Variants in FBXL13 observed in about 807,000 individuals in gnomAD.
The protein encoded by FBXL13 is F-box and leucine-rich repeat protein 13.
Under a neutral mutation model 83.6 loss-of-function variants are expected in FBXL13, and 67 were observed. The observed-to-expected ratio is 0.80, with a 90% CI of 0.66 to 0.98. The LOEUF is 0.98. Ranked by LOEUF, FBXL13 falls within the 50% of genes least tolerant of loss-of-function variation. FBXL13 has a pLI of 0.00. For synonymous variants in FBXL13, 272 were observed against 299.5 expected, an observed-to-expected ratio of 0.91 and a Z score of 0.95; for missense variants, 822 against 866.5, an observed-to-expected ratio of 0.95 and a Z score of 0.64.
At chr7:103,010,163 A>G (rs1167993377) in intron 6 of FBXL13, among the ~76,000 whole-genome samples, 1 of 151,928 alleles carries the variant, frequency 6.6e-6, no homozygotes, top group Non-Finnish European at 1.5e-5. Context: ...TTGTCCCGGG[A>G]AATACCTGGA....
chr7:102,854,313 T>C (rs534412031), intron 17 of FBXL13, among the ~76,000 whole-genome samples: 304 of 152,140 alleles, frequency 2.0e-3, no homozygotes, highest in African/African-American at 6.8e-3. Flanking sequence ...TAGGTGGGAA[T>C]TGAACAATGA....
exon 20 of FBXL13, chr7:102,813,244 A>T: frequency 9.2e-7 from 1 of 1,089,706 alleles, no homozygotes; most frequent in Non-Finnish European, 1.3e-6. Flanking sequence ...TTGCTTGTTT[A>T]CATTGTTATT....
At chr7:103,024,857 A>ATATATATTTTTT (rs1298384907) in intron 6 of FBXL13, among the ~76,000 whole-genome samples, 2 of 62,854 alleles carry the variant, frequency 3.2e-5, no homozygotes, top group African/African-American at 1.8e-4. Flanking sequence ...ATATATATAT[A>ATATATATTTTTT]TTTTTTTTTT....
chr7:102,987,101 A>T (rs527239945), intron 6 of FBXL13, among the ~76,000 whole-genome samples: 1 of 152,294 alleles, frequency 6.6e-6, no homozygotes, highest in South Asian at 2.1e-4. Flanking sequence ...GAGCTAAGCT[A>T]TGGGTATTCA....
At chr7:102,844,379 G>T (rs917448775) in intron 17 of FBXL13, among the ~76,000 whole-genome samples, 1 of 152,056 alleles carries the variant, frequency 6.6e-6, no homozygotes, top group Non-Finnish European at 1.5e-5. Context: ...ATCATTACTA[G>T]AACTAAGAGA....
At chr7:102,935,244 T>C (rs398089032) in intron 8 of FBXL13, among the ~76,000 whole-genome samples, 12 of 6,706 alleles carry the variant, frequency 1.8e-3, no homozygotes, top group Non-Finnish European at 4.9e-3. Flanking sequence ...TTTTCTTTCT[T>C]TTTTTTTTTT....
intron 18 of FBXL13, among the ~76,000 whole-genome samples, chr7:102,824,785 C>CT (rs57237364): frequency 0.017 from 2,154 of 124,008 alleles, 72 homozygotes; most frequent in African/African-American, 0.056. Flanking sequence ...CATGCCCGGC[C>CT]TTTTTTTTTT....
rs181735451 is a variant in FBXL13, at chr7:102,893,061, G to A, written c.1009-8749C>T. On this transcript the variant is annotated intron_variant, in intron 11 of 19. Transcript: ENST00000313221. ...TCCAATTCATTTTGATACATAATCT[G>A]GTCATTCACAACTGGTTTAGCTGGT... 3.2e-3 allele frequency among the ~76,000 whole-genome samples: 485 copies of A among 152,234 alleles called. 13 individuals are homozygous for A. Among genetic ancestry groups the A allele is most frequent in the Admixed American group, 0.028 (421 of 15,300 alleles).
chr7:102,814,524 T>G (rs545734441), intron 19 of FBXL13: 1 of 152,340 alleles, frequency 6.6e-6, no homozygotes, highest in African/African-American at 2.4e-5. Context: ...AAACTTTAGA[T>G]GTATTAAAAT....
intron 11 of FBXL13, among the ~76,000 whole-genome samples, chr7:102,890,608 C>G (rs1811419418): frequency 6.6e-6 from 1 of 152,200 alleles, no homozygotes; most frequent in Admixed American, 6.5e-5. Flanking sequence ...TGTCAGTGAG[C>G]CACATACTTA....
chr7:102,821,435 G>A (rs1279446233), intron 19 of FBXL13, among the ~76,000 whole-genome samples: 1 of 152,132 alleles, frequency 6.6e-6, no homozygotes, highest in Admixed American at 6.5e-5. Context: ...AGAAACCAGG[G>A]CTCATGGTTC....
At chr7:102,855,645 C>T (rs2129451608) in intron 16 of FBXL13, among the ~76,000 whole-genome samples, 1 of 152,006 alleles carries the variant, frequency 6.6e-6, no homozygotes, top group Admixed American at 6.6e-5. Flanking sequence ...CCCCCACCAC[C>T]CCCCAACCCA....
chr7:103,047,884 C>T (rs1338192178), intron 2 of FBXL13, among the ~76,000 whole-genome samples: 5 of 152,186 alleles, frequency 3.3e-5, no homozygotes, highest in East Asian at 1.9e-4. Flanking sequence ...TTAGTAGGGA[C>T]GGGGTTTCAC....
At chr7:102,861,897 G>A (rs537343923) in intron 16 of FBXL13, among the ~76,000 whole-genome samples, 6 of 150,154 alleles carry the variant, frequency 4.0e-5, no homozygotes, top group African/African-American at 1.2e-4. Context: ...CAGGAGAATC[G>A]CTTTAACCCA....
At chr7:102,815,467 G>C (rs1039074970) in intron 19 of FBXL13, among the ~76,000 whole-genome samples, 1 of 151,968 alleles carries the variant, frequency 6.6e-6, no homozygotes, top group Non-Finnish European at 1.5e-5. Context: ...TGGATTGCTG[G>C]TCTAGAAGGG....
At chr7:102,890,663 C>T (rs768499364) in intron 11 of FBXL13, among the ~76,000 whole-genome samples, 57 of 152,252 alleles carry the variant, frequency 3.7e-4, no homozygotes, top group Non-Finnish European at 6.6e-4. Flanking sequence ...TCAGATCCCT[C>T]TGCCGCTCTA....
At chr7:102,898,899 T>TA (rs1812618037) in intron 11 of FBXL13, among the ~76,000 whole-genome samples, 3 of 152,052 alleles carry the variant, frequency 2.0e-5, no homozygotes, top group South Asian at 2.1e-4. Flanking sequence ...TATTTTTATT[T>TA]ATTTAATTTA....
intron 8 of FBXL13, among the ~76,000 whole-genome samples, chr7:102,956,549 GA>G (rs1444676958): frequency 1.3e-5 from 2 of 152,162 alleles, no homozygotes; most frequent in Non-Finnish European, 2.9e-5. Context: ...TCAGGCAAGA[GA>G]AAGAAATAAA....
intron 6 of FBXL13, among the ~76,000 whole-genome samples, chr7:102,983,371 A>C (rs1828500440): frequency 6.6e-6 from 1 of 151,518 alleles, no homozygotes; most frequent in Admixed American, 6.6e-5. Flanking sequence ...AGGTCTTCCC[A>C]CAAGTCCCCA....
Sources: allele counts gnomAD v4.1 joint callset (sites outside exome capture counted in the v4.1 genomes callset), GRCh38; gene constraint gnomAD v4.1.1; transcripts MANE v1.5; gene names NCBI Gene and HGNC (gene_info 2026-07-23, HGNC 2026-07-21).